The following FOXN1 variants were observed in gnomAD, a reference collection of about 807,000 sequenced individuals.
FOXN1 encodes the protein forkhead box protein N1.
A neutral mutation model predicts 49.0 loss-of-function variants in FOXN1; 15 were observed. The ratio of observed to expected loss-of-function variants is 0.31; its 90% CI spans 0.20 to 0.47. The LOEUF is 0.47. Among genes scored for constraint, FOXN1 ranks in the 20% least tolerant of loss-of-function variants. The pLI is 1.00. For missense variants in FOXN1, 800 were observed against 842.8 expected (o/e 0.95, Z 0.63); for synonymous variants, 356 against 369.0 (o/e 0.96, Z 0.40).
At chr17:28,530,674 C>T in intron 5 of FOXN1, 75 bp from the exon 6 acceptor site, 2 of 824,600 alleles carry the variant, frequency 2.4e-6, no homozygotes, top group Admixed American at 1.7e-5. Flanking sequence ...AGCCTCTCAC[C>T]AGGGGTGGGG....
In FOXN1 at chr17:28,534,600, A is replaced by AT. The variant is rs376070652; in HGVS notation, c.1135+62_1135+63insT. On this transcript the variant is annotated intron_variant, in intron 7 of 8. Coordinates refer to ENST00000579795, the MANE Select transcript of FOXN1 (RefSeq NM_001369369.1). This position sits in a 1 kb window ranked among gnomAD's most constrained non-coding sequence, Gnocchi z 4.1. Reference sequence around the variant, plus strand: ...GTACTCATGAGCCAAAAAAAAAAAAAAGAGAGAATCAGAGAATGAGGCAAG... The same window carrying AT: ...GTACTCATGAGCCAAAAAAAAAAAAATAGAGAGAATCAGAGAATGAGGCAAG... 4 of 1,579,554 alleles carry AT rather than the reference A, an allele frequency of 2.5e-6. No individual in the cohort carries two copies. The African/African-American group carries it at 4.1e-5, about 16-fold the overall frequency.
Position 28,533,486 on chromosome 17 carries a change from C to CCG in FOXN1, c.928-844_928-843insGC, listed in dbSNP as rs1555610614. Among the ~76,000 whole-genome samples the CCG allele has an allele frequency of 1.7e-4, 10 of 58,916 alleles. 1 individual carries two copies. In the East Asian group the frequency reaches 3.3e-3, roughly 19 times the overall value. 38.7% of individuals were successfully genotyped at this position (58,916 alleles called of 152,430 possible). A position where few individuals can be genotyped will look rare whatever the true frequency, so the allele number is the denominator to read the frequency against. On this transcript the variant is annotated intron_variant, in intron 6 of 8. Transcript: ENST00000579795. ...GGTGTTTATTCTATTGGCACGAGCA[C>CCG]CCCCCCCCACTGCCTGAGGGCTGGC...
intron 1 of FOXN1, among the ~76,000 whole-genome samples, chr17:28,512,391 C>T (rs1343005015): frequency 1.3e-5 from 2 of 152,236 alleles, no homozygotes; most frequent in African/African-American, 4.8e-5. Flanking sequence ...TCCAGCTTTC[C>T]AGTCAAGCCC....
chr17:28,527,221 A>G, intron 3 of FOXN1, 30 bp from the exon 4 acceptor site: 1 of 1,440,496 alleles, frequency 6.9e-7, no homozygotes, highest in Non-Finnish European at 9.8e-7. Flanking sequence ...AATAAGGCCT[A>G]ATCTAGTCAT....
intron 1 of FOXN1, among the ~76,000 whole-genome samples, chr17:28,522,899 A>T (rs1359556526): frequency 6.6e-6 from 1 of 151,736 alleles, no homozygotes; most frequent in Admixed American, 6.6e-5. Flanking sequence ...ACTGGCATTT[A>T]TGGGGCACGG....
intron 1 of FOXN1, among the ~76,000 whole-genome samples, chr17:28,523,108 A>G (rs1216427773): frequency 6.6e-6 from 1 of 152,202 alleles, no homozygotes; most frequent in Non-Finnish European, 1.5e-5. Context: ...CCACTGTGTT[A>G]GGGACAGGGT....
intron 1 of FOXN1, among the ~76,000 whole-genome samples, chr17:28,518,991 G>A (rs1482920335): frequency 6.6e-6 from 1 of 152,158 alleles, no homozygotes. Flanking sequence ...TGATTTGTAG[G>A]ATTTGCTAAT....
rs757704079 is a variant in FOXN1, at chr17:28,524,933, C to T, written c.554C>T (p.Pro185Leu). The change falls in exon 3 of 9, where the codon CCC becomes CTC. Residue 185 changes from proline (P) to leucine (L), a missense_variant. Coordinates refer to ENST00000579795, the MANE Select transcript of FOXN1 (RefSeq NM_001369369.1). ...GCAGAGGCCTGGTGTAACGGGCTCC[C>T]CTACCCCAGCCAGGAGCATGGCCCC... ...FSAEAWCNGL[P>L]YPSQEHGPQV... 4.3e-6 allele frequency: 7 copies of T among 1,612,220 alleles called. No homozygotes were observed. In the Admixed American group the frequency reaches 6.7e-5, roughly 15 times the overall value.
rs758240885 is a variant in FOXN1, at chr17:28,537,121, C to T, written c.1632C>T (p.Asn544=). 2 of 1,613,736 alleles carry T rather than the reference C, an allele frequency of 1.2e-6. No homozygotes were observed. The highest frequency in any genetic ancestry group is 1.7e-6 in the Non-Finnish European group (2 of 1,179,628). Reference sequence around the variant, plus strand: ...GTTCTCTCCTTCCCCATCTAGGAAACCTGTGGGAACAGTTGAAGGATGATA... The same window carrying T: ...GTTCTCTCCTTCCCCATCTAGGAAATCTGTGGGAACAGTTGAAGGATGATA... The part of the protein sequence containing the change: ...PSLTDFDFQG[N]LWEQLKDDSL... The change falls in exon 9 of 9, where the codon AAC becomes AAT. Residue 544 remains asparagine, a synonymous_variant. Coordinates refer to ENST00000579795, the MANE Select transcript of FOXN1 (RefSeq NM_001369369.1).
At chr17:28,521,468 G>A (rs1039794852) in intron 1 of FOXN1, among the ~76,000 whole-genome samples, 5 of 152,246 alleles carry the variant, frequency 3.3e-5, no homozygotes, top group African/African-American at 1.2e-4. Context: ...TCTCCAGGAG[G>A]AGCTGTCCAG....
At position 28,534,850 on chromosome 17, in the gene FOXN1, C is replaced by A. The variant is rs770510635; in HGVS notation, c.1279C>A (p.His427Asn). 3 of 1,613,912 alleles carry A rather than the reference C, an allele frequency of 1.9e-6. No individual in the cohort carries two copies. The highest frequency in any genetic ancestry group is 1.7e-5 in the Admixed American group (1 of 60,014). ...CCTCTCCCCACCACTGCACTCACTC[C>A]ACCCAGCTCCAGGCCCCATTCCTGG... ...AGLSPPLHSL[H>N]PAPGPIPGKN... Residue 427 changes from histidine (H) to asparagine (N), a missense_variant, in exon 8 of 9, where the codon CAC becomes AAC. Physicochemically the swap from His to Asn is moderately conservative, Grantham distance 68. Coordinates refer to ENST00000579795, the MANE Select transcript of FOXN1 (RefSeq NM_001369369.1). This position sits in a 1 kb window ranked among gnomAD's most constrained non-coding sequence, Gnocchi z 4.1.
chr17:28,524,156 G>A, intron 2 of FOXN1, 64 bp downstream of exon 2: 1 of 1,514,602 alleles, frequency 6.6e-7, no homozygotes, highest in South Asian at 1.2e-5. Flanking sequence ...GCAACAAGAA[G>A]ACCAGTCACC....
Position 28,524,981 on chromosome 17 carries a change from G to A in FOXN1, c.588+14G>A. On this transcript the variant is annotated intron_variant, in intron 3 of 8. Coordinates refer to ENST00000579795, the MANE Select transcript of FOXN1 (RefSeq NM_001369369.1). ...CCCCAAGTCCTGGTGAGTACTAGTG[G>A]CCAGCGAGTGTCCCATCTTCCCACT... 6.4e-7 allele frequency: 1 copy of A among 1,573,992 alleles called. No homozygotes were observed. The highest frequency in any genetic ancestry group is 8.7e-7 in the Non-Finnish European group (1 of 1,151,460).
At chr17:28,515,303 C>A (rs73989126) in intron 1 of FOXN1, among the ~76,000 whole-genome samples, 1,723 of 151,216 alleles carry the variant, frequency 0.011, 28 homozygotes, top group African/African-American at 0.039. Flanking sequence ...AGGGTACATA[C>A]CTCCAAAGAG....
Position 28,535,275 on chromosome 17 carries a change from G to C in FOXN1, c.1627+77G>C, listed in dbSNP as rs921491072. ...TGGCAGTGGGACTCATCTTCTCCAA[G>C]TCTCCAGACTGCAGCCTGCAAGTGG... On this transcript the variant is annotated intron_variant, in intron 8 of 8. Coordinates refer to ENST00000579795, the MANE Select transcript of FOXN1 (RefSeq NM_001369369.1). The C allele has an allele frequency of 2.0e-6, 3 of 1,499,024 alleles. No homozygotes were observed. The East Asian group carries it at 6.9e-5, about 34-fold the overall frequency. 92.9% of individuals were successfully genotyped at this position (1,499,024 alleles called of 1,614,324 possible).
chr17:28,525,681 C>T (rs778858421), intron 3 of FOXN1, among the ~76,000 whole-genome samples: 4 of 152,098 alleles, frequency 2.6e-5, no homozygotes, highest in Non-Finnish European at 5.9e-5. Context: ...ACTGAGTGGG[C>T]GTAGCCTCAG....
At position 28,535,177 on chromosome 17, in the gene FOXN1, C is replaced by G. The variant is rs1363398859; in HGVS notation, c.1606C>G (p.Leu536Val). 1 of 1,613,552 alleles carries G rather than the reference C, an allele frequency of 6.2e-7. No homozygotes were observed. The highest frequency in any genetic ancestry group is 8.5e-7 in the Non-Finnish European group (1 of 1,179,940). ...TGACCTGGATGCCATCAATCCCTCA[C>G]TCACTGACTTCGACTTCCAGGGTGA... ...GTDLDAINPS[L>V]TDFDFQGNLW... Residue 536 changes from leucine (L) to valine (V), a missense_variant, in exon 8 of 9, where the codon CTC becomes GTC. Leu to Val is a conservative substitution (Grantham distance 32). This residue lies in a region of FOXN1 where 344 missense variants were observed against 366.1 expected (regional missense o/e 0.94). Transcript: ENST00000579795.
At chr17:28,522,610 G>A (rs1467289933) in intron 1 of FOXN1, among the ~76,000 whole-genome samples, 4 of 152,172 alleles carry the variant, frequency 2.6e-5, no homozygotes, top group Middle Eastern at 6.8e-3. Context: ...GCATGCCACC[G>A]CACTCCAGCC....
chr17:28,530,028 A>C (rs1280802982), intron 5 of FOXN1, among the ~76,000 whole-genome samples: 2 of 150,302 alleles, frequency 1.3e-5, no homozygotes, highest in Non-Finnish European at 3.0e-5. Context: ...AAAAAAAAAA[A>C]ATGTCAGGGG....
Sources: gnomAD v4.1 joint callset for allele counts (sites outside exome capture counted in the v4.1 genomes callset) on GRCh38, gnomAD v4.1.1 for gene constraint, gnomAD v4.1.1 regional missense constraint, Gnocchi (gnomAD v3.1) non-coding constraint, MANE v1.5 for transcripts, NCBI Gene and HGNC (gene_info 2026-07-23, HGNC 2026-07-21) for gene names.